The following HSD17B12 variants were observed in gnomAD, a reference collection of about 807,000 sequenced individuals.
HSD17B12 encodes the protein hydroxysteroid 17-beta dehydrogenase 12.
In HSD17B12, 32 loss-of-function variants were observed where a neutral mutation model predicts 39.3. The ratio of observed to expected loss-of-function variants is 0.81; its 90% confidence interval spans 0.61 to 1.09. The LOEUF (loss-of-function observed/expected upper bound fraction) is 1.09, where lower values mean the gene tolerates loss of function less well. HSD17B12 is among the 50% of genes least tolerant of loss of function. The pLI is 0.00. For missense variants in HSD17B12, 342 were observed against 382.9 expected (o/e 0.89, Z 0.89); for synonymous variants, 150 against 146.7 (o/e 1.02, Z -0.16).
At chr11:43,586,630 A>AT in the HSD17B12 span, among the ~76,000 whole-genome samples, 2 of 152,112 alleles carry the variant, frequency 1.3e-5, no homozygotes, top group Non-Finnish European at 2.9e-5. Context: ...TCCCCAAGAT[A>AT]TTTTTTTAGA....
chr11:43,587,093 G>T, the HSD17B12 span, among the ~76,000 whole-genome samples: 29 of 152,300 alleles, frequency 1.9e-4, no homozygotes, highest in Admixed American at 1.4e-3. Context: ...TCACATTTAT[G>T]AACTTAAAGA....
chr11:43,839,034 G>A (rs1951398000), intron 8 of HSD17B12, among the ~76,000 whole-genome samples: 1 of 152,060 alleles, frequency 6.6e-6, no homozygotes, highest in Non-Finnish European at 1.5e-5. Flanking sequence ...ACTGCCTGCA[G>A]GTCAATGGCG....
At chr11:43,744,348 C>G (rs1950394736) in intron 1 of HSD17B12, among the ~76,000 whole-genome samples, 1 of 151,282 alleles carries the variant, frequency 6.6e-6, no homozygotes, top group Non-Finnish European at 1.5e-5. Context: ...TTGTAAAAGC[C>G]CCAATGATAA....
intron 1 of HSD17B12, among the ~76,000 whole-genome samples, chr11:43,682,544 C>CAAAAAAAAA (rs55938101): frequency 8.4e-6 from 1 of 118,446 alleles, no homozygotes. Context: ...AGACTCATCT[C>CAAAAAAAAA]AAAAAAAAAA....
At chr11:43,665,417 C>T in the HSD17B12 span, among the ~76,000 whole-genome samples, 1 of 152,164 alleles carries the variant, frequency 6.6e-6, no homozygotes, top group East Asian at 1.9e-4. Flanking sequence ...CAGGATCCCA[C>T]TATGTTGCCC....
chr11:43,690,359 TAC>T (rs1473607893), intron 1 of HSD17B12, among the ~76,000 whole-genome samples: 55 of 78,590 alleles, frequency 7.0e-4, no homozygotes, highest in African/African-American at 3.2e-3. Context: ...AAGGTATTCA[TAC>T]ATATATATAT....
the HSD17B12 span, chr11:43,581,363 G>A: frequency 2.1e-6 from 1 of 486,186 alleles, no homozygotes; most frequent in Non-Finnish European, 4.3e-6. The surrounding 1 kb of genome is among the most constrained non-coding windows in gnomAD (Gnocchi z 4.9). Flanking sequence ...TGGGCTGAAG[G>A]CGGCGGCGAA....
intron 8 of HSD17B12, 123 bp downstream of exon 8, chr11:43,838,521 A>C: frequency 2.8e-6 from 2 of 714,354 alleles, no homozygotes; most frequent in Non-Finnish European, 4.9e-6. Context: ...TAGACTGAGA[A>C]GAAAAGGAAA....
intron 1 of HSD17B12, among the ~76,000 whole-genome samples, chr11:43,723,170 A>C (rs1199842107): frequency 6.6e-6 from 1 of 152,188 alleles, no homozygotes; most frequent in Non-Finnish European, 1.5e-5. Flanking sequence ...GAGGTTTGCA[A>C]CTCTTAGAAT....
chr11:43,595,654 A>C, the HSD17B12 span, among the ~76,000 whole-genome samples: 1 of 152,046 alleles, frequency 6.6e-6, no homozygotes, highest in Non-Finnish European at 1.5e-5. Context: ...ATTTCTTATT[A>C]ACACCAACAA....
intron 3 of HSD17B12, among the ~76,000 whole-genome samples, chr11:43,782,584 G>T (rs1389086453): frequency 6.6e-6 from 1 of 151,418 alleles, no homozygotes; most frequent in Non-Finnish European, 1.5e-5. Context: ...GCTGAGGCAG[G>T]AGAATTGCTT....
chr11:43,824,721 C>T (rs924981034), intron 6 of HSD17B12, among the ~76,000 whole-genome samples: 3 of 152,206 alleles, frequency 2.0e-5, no homozygotes, highest in Non-Finnish European at 4.4e-5. Context: ...GGAGGTTGGG[C>T]GCAGCGGCTC....
intron 3 of HSD17B12, among the ~76,000 whole-genome samples, chr11:43,778,021 C>T (rs1950726479): frequency 6.6e-6 from 1 of 152,052 alleles, no homozygotes; most frequent in Admixed American, 6.6e-5. Flanking sequence ...CAAAAAAACC[C>T]TTCAAAAAAT....
intron 7 of HSD17B12, chr11:43,832,990 G>T (rs1259986157): frequency 6.8e-6 from 1 of 147,452 alleles, no homozygotes; most frequent in Non-Finnish European, 1.5e-5. Context: ...CCAAGATAGT[G>T]CCACTGCACT....
intron 9 of HSD17B12, among the ~76,000 whole-genome samples, chr11:43,851,679 C>T (rs1234120529): frequency 1.3e-5 from 2 of 152,162 alleles, no homozygotes; most frequent in Non-Finnish European, 2.9e-5. Flanking sequence ...AATGAAGTGT[C>T]TTTCACCAAT....
intron 6 of HSD17B12, among the ~76,000 whole-genome samples, chr11:43,822,220 A>G (rs1294837858): frequency 6.6e-6 from 1 of 152,210 alleles, no homozygotes; most frequent in Non-Finnish European, 1.5e-5. Flanking sequence ...GCCTCCACAT[A>G]TTGCAAAATA....
At chr11:43,569,338 C>T in the HSD17B12 span, 1 of 152,166 alleles carries the variant, frequency 6.6e-6, no homozygotes, top group Admixed American at 6.5e-5. Flanking sequence ...ATAACAAGGG[C>T]AGACTTTCTG....
chr11:43,644,874 T>C, the HSD17B12 span: 5 of 152,340 alleles, frequency 3.3e-5, no homozygotes, highest in African/African-American at 4.8e-5. Context: ...ACTTGTGAAA[T>C]GCCTTCTTAT....
At chr11:43,756,956 C>T (rs1950512366) in intron 3 of HSD17B12, among the ~76,000 whole-genome samples, 1 of 152,068 alleles carries the variant, frequency 6.6e-6, no homozygotes, top group African/African-American at 2.4e-5. Context: ...GGGTTTTTAT[C>T]CTTGTTAAAA....
Sources: allele counts gnomAD v4.1 joint callset (sites outside exome capture counted in the v4.1 genomes callset), GRCh38; gene constraint gnomAD v4.1.1; non-coding constraint Gnocchi (gnomAD v3.1); transcripts MANE v1.5; gene names NCBI Gene and HGNC (gene_info 2026-07-23, HGNC 2026-07-21).